Variants in BRWD3 observed in about 807,000 individuals in gnomAD.
BRWD3 encodes the protein bromodomain and WD repeat-containing protein 3.
Under a neutral mutation model 149.7 loss-of-function variants are expected in BRWD3, and 10 were observed. The ratio of observed to expected loss-of-function variants is 0.07; its 90% CI spans 0.04 to 0.11. The LOEUF is 0.11. BRWD3 is among the 10% of genes least tolerant of loss of function. The probability of loss-of-function intolerance (pLI) is 1.00; values close to 1 mark genes in which losing one functional copy is unlikely to be tolerated. For synonymous variants in BRWD3, 504 were observed against 456.7 expected (o/e 1.10, Z -1.32); for missense variants, 940 against 1,373.2 (o/e 0.68, Z 4.99).
intron 6 of BRWD3, among the ~76,000 whole-genome samples, chrX:80,745,970 T>C (rs1432288346): frequency 9.0e-6 from 1 of 110,757 alleles, no homozygotes; most frequent in Non-Finnish European, 1.9e-5. Flanking sequence ...CTTACTGTGG[T>C]TTCTCAAGCA....
At chrX:80,730,120 G>A in intron 12 of BRWD3, 100 bp from the exon 13 acceptor site, 1 of 551,416 alleles carries the variant, frequency 1.8e-6, no homozygotes, top group Middle Eastern at 4.9e-4. Flanking sequence ...ACTACTGAGG[G>A]GAATGTAAAA....
intron 19 of BRWD3, chrX:80,717,047 T>C (rs1440507375): frequency 8.7e-6 from 1 of 114,336 alleles, no homozygotes; most frequent in Non-Finnish European, 1.8e-5. Context: ...TCTAAATCTA[T>C]TTCCAGTTGC....
chrX:80,717,854 G>C (rs754746250), intron 18 of BRWD3, 95 bp from the exon 19 acceptor site: 1 of 748,738 alleles, frequency 1.3e-6, no homozygotes, highest in Admixed American at 2.5e-5. Context: ...TTCAAATATA[G>C]TACTGCTGTA....
At chrX:80,681,644 G>A (rs1441003041) in intron 39 of BRWD3, 145 bp from the exon 40 acceptor site, 2 of 523,088 alleles carry the variant, frequency 3.8e-6, no homozygotes, top group Non-Finnish European at 6.1e-6. Context: ...TGAATATTTT[G>A]AGAACAAAGG....
intron 17 of BRWD3, among the ~76,000 whole-genome samples, chrX:80,720,181 G>A (rs1038560231): frequency 9.0e-6 from 1 of 111,333 alleles, no homozygotes; most frequent in Non-Finnish European, 1.9e-5. Context: ...GTATCATTTT[G>A]AAATGTACTC....
At chrX:80,784,869 T>C (rs760679028) in intron 6 of BRWD3, among the ~76,000 whole-genome samples, 6 of 112,138 alleles carry the variant, frequency 5.4e-5, no homozygotes, top group Middle Eastern at 9.1e-3. Context: ...ATTTTTAAAA[T>C]AGAATGATTT....
chrX:80,769,795 A>G (rs2147824676), intron 6 of BRWD3, among the ~76,000 whole-genome samples: 1 of 110,963 alleles, frequency 9.0e-6, no homozygotes, highest in African/African-American at 3.3e-5. Flanking sequence ...AAAAAAAAAA[A>G]TCAATGAATC....
chrX:80,683,854 G>A (rs886976483), intron 37 of BRWD3, among the ~76,000 whole-genome samples, 156 bp downstream of exon 37: 22 of 111,245 alleles, frequency 2.0e-4, no homozygotes, highest in Non-Finnish European at 3.2e-4. Flanking sequence ...AGACAAATAA[G>A]AGAAAGGAAA....
intron 6 of BRWD3, among the ~76,000 whole-genome samples, chrX:80,770,957 AACAG>A (rs1427449162): frequency 9.0e-6 from 1 of 111,510 alleles, no homozygotes; most frequent in African/African-American, 3.3e-5. Flanking sequence ...ATACACCAAT[AACAG>A]ACAAACAGAG....
chrX:80,753,669 GT>G (rs1265086509), intron 6 of BRWD3, among the ~76,000 whole-genome samples: 2 of 111,708 alleles, frequency 1.8e-5, no homozygotes, highest in Admixed American at 9.5e-5. Context: ...TTACATTTAA[GT>G]TTTTAATTCA....
At chrX:80,741,279 T>C (rs1355158462) in intron 8 of BRWD3, among the ~76,000 whole-genome samples, 1 of 112,166 alleles carries the variant, frequency 8.9e-6, no homozygotes, top group African/African-American at 3.2e-5. Flanking sequence ...ATGGTGTATA[T>C]GTGCCACATT....
intron 20 of BRWD3, among the ~76,000 whole-genome samples, chrX:80,712,633 C>T (rs1411727806): frequency 4.6e-5 from 5 of 109,569 alleles, no homozygotes; most frequent in Middle Eastern, 4.7e-3. Context: ...TGAGGAGCCC[C>T]TCTGCCTGGC....
chrX:80,770,437 C>T (rs1338736064), intron 6 of BRWD3, among the ~76,000 whole-genome samples: 1 of 111,815 alleles, frequency 8.9e-6, no homozygotes, highest in Non-Finnish European at 1.9e-5. Context: ...GGACGCAAGG[C>T]TGGTTCAGCA....
intron 25 of BRWD3, among the ~76,000 whole-genome samples, chrX:80,698,653 G>A (rs771595677): frequency 7.2e-4 from 78 of 108,317 alleles, no homozygotes; most frequent in Non-Finnish European, 1.3e-3. Flanking sequence ...AGGTTGCAGT[G>A]AGCCGAGATC....
At chrX:80,688,282 ACTTTCC>A in intron 33 of BRWD3, among the ~76,000 whole-genome samples, 157 bp from the exon 34 acceptor site, 1 of 111,596 alleles carries the variant, frequency 9.0e-6, no homozygotes, top group Non-Finnish European at 1.9e-5. Flanking sequence ...CTCACACCAA[ACTTTCC>A]CAATATGCAG....
intron 6 of BRWD3, among the ~76,000 whole-genome samples, chrX:80,766,736 C>G (rs2073862700): frequency 8.9e-6 from 1 of 112,016 alleles, no homozygotes; most frequent in African/African-American, 3.2e-5. Context: ...ACAGAGGTAG[C>G]TGGTTCATTT....
chrX:80,707,611 A>G, intron 21 of BRWD3, 108 bp from the exon 22 acceptor site: 2 of 721,834 alleles, frequency 2.8e-6, no homozygotes, highest in South Asian at 2.4e-5. Flanking sequence ...TCTGCCCTCA[A>G]AAAATGTTCT....
chrX:80,762,570 G>T (rs190356620), intron 6 of BRWD3, among the ~76,000 whole-genome samples: 2 of 110,166 alleles, frequency 1.8e-5, no homozygotes, highest in Admixed American at 1.9e-4. Flanking sequence ...TGTGTTGGGG[G>T]GGTGGGGAAA....
intron 6 of BRWD3, among the ~76,000 whole-genome samples, chrX:80,746,394 T>A (rs1410157988): frequency 9.0e-6 from 1 of 110,908 alleles, no homozygotes; most frequent in African/African-American, 3.3e-5. Flanking sequence ...TATCTCATTT[T>A]TTTTTCTTGT....
Sources: gnomAD v4.1 joint callset for allele counts (sites outside exome capture counted in the v4.1 genomes callset) on GRCh38, gnomAD v4.1.1 for gene constraint, MANE v1.5 for transcripts, NCBI Gene and HGNC (gene_info 2026-07-23, HGNC 2026-07-21) for gene names.